Variants in KLHL26 observed in about 807,000 individuals in gnomAD.
KLHL26 encodes kelch like family member 26.
In KLHL26, 4 loss-of-function variants were observed where a neutral mutation model predicts 7.1. The ratio of observed to expected loss-of-function variants is 0.56; its 90% confidence interval spans 0.28 to 1.28. The LOEUF (loss-of-function observed/expected upper bound fraction) is 1.28, where lower values mean the gene tolerates loss of function less well. Ranked by LOEUF, KLHL26 falls within the 50% of genes most tolerant of loss-of-function variation. KLHL26 has a pLI of 0.11. For missense variants in KLHL26, 896 were observed against 924.6 expected, an observed-to-expected ratio of 0.97 and a Z score of 0.40; for synonymous variants, 465 against 414.1, an observed-to-expected ratio of 1.12 and a Z score of -1.49.
At position 18,649,014 on chromosome 19, in the gene KLHL26, C is replaced by T. The variant is rs1399627225; in HGVS notation, c.83+11877C>T. On this transcript the variant is annotated intron_variant, in intron 1 of 2. Transcript: ENST00000300976. The surrounding 1 kb of genome is among the most constrained non-coding windows in gnomAD (Gnocchi z 4.0). ...ACAAAATCTACTTCTTGATGTGACC[C>T]GCTGGGCCCCTGAGCTTCCGCAGCT... 2.6e-5 allele frequency among the ~76,000 whole-genome samples: 4 copies of T among 152,196 alleles called. No individual in the cohort carries two copies. In the East Asian group the frequency reaches 7.7e-4, roughly 29 times the overall value.
intron 1 of KLHL26, chr19:18,659,582 C>T (rs567131958): frequency 3.3e-4 from 51 of 152,258 alleles, no homozygotes; most frequent in African/African-American, 1.0e-3. Flanking sequence ...CTGGGCTCCG[C>T]GTGGGGGTGG....
intron 1 of KLHL26, among the ~76,000 whole-genome samples, chr19:18,655,532 T>C (rs1179004254): frequency 6.6e-6 from 1 of 152,234 alleles, no homozygotes; most frequent in Non-Finnish European, 1.5e-5. Flanking sequence ...ATCTGTAAGA[T>C]GGGATGGTAG....
intron 1 of KLHL26, among the ~76,000 whole-genome samples, chr19:18,643,943 C>G (rs568132634): frequency 6.6e-6 from 1 of 152,182 alleles, no homozygotes; most frequent in Non-Finnish European, 1.5e-5. Flanking sequence ...ACACAAAATT[C>G]ACCCACTTTA....
chr19:18,659,972 C>T (rs935213166), intron 1 of KLHL26, among the ~76,000 whole-genome samples: 2 of 152,192 alleles, frequency 1.3e-5, no homozygotes, highest in Admixed American at 1.3e-4. Flanking sequence ...GGCGGGGGTT[C>T]GAGGGCCCCA....
intron 1 of KLHL26, among the ~76,000 whole-genome samples, chr19:18,645,893 T>C (rs1976793633): frequency 2.0e-5 from 3 of 151,700 alleles, no homozygotes; most frequent in Admixed American, 1.3e-4. Flanking sequence ...GCATGGAAAG[T>C]TGTGGCCGAG....
chr19:18,668,612 G>T lies in KLHL26; in HGVS notation c.1215G>T (p.Gln405His). 6.3e-7 allele frequency: 1 copy of T among 1,586,974 alleles called. No individual in the cohort carries two copies. Among genetic ancestry groups the T allele is most frequent in the Non-Finnish European group, 8.5e-7 (1 of 1,172,772 alleles). ...AGGCCATGCAGGAAAGCCGCATCCAGTTCCAGCTGAACGTGCTGTGCGGCA... is the reference window on the plus strand; with the variant it reads ...AGGCCATGCAGGAAAGCCGCATCCATTTCCAGCTGAACGTGCTGTGCGGCA... ...RLQAMQESRI[Q>H]FQLNVLCGMV... Residue 405 changes from glutamine to histidine, a missense_variant, in exon 3 of 3, where the codon CAG becomes CAT. Transcript: ENST00000300976.
At chr19:18,642,191 G>A (rs990649271) in intron 1 of KLHL26, among the ~76,000 whole-genome samples, 8 of 152,088 alleles carry the variant, frequency 5.3e-5, no homozygotes, top group Non-Finnish European at 1.2e-4. Flanking sequence ...GGACAGCCAG[G>A]CCTGGAGCAC....
At chr19:18,637,363 C>A (rs1258639123) in intron 1 of KLHL26, among the ~76,000 whole-genome samples, 1 of 151,956 alleles carries the variant, frequency 6.6e-6, no homozygotes, top group African/African-American at 2.4e-5. Context: ...CGTCTGCAGG[C>A]GGCCCTAGGG....
At chr19:18,640,790 C>T (rs747337668) in intron 1 of KLHL26, among the ~76,000 whole-genome samples, 47 of 151,852 alleles carry the variant, frequency 3.1e-4, no homozygotes, top group Non-Finnish European at 6.2e-4. Context: ...CCGCCTGCTT[C>T]GGCCTCCCAA....
chr19:18,640,551 A>ATT (rs56247740), intron 1 of KLHL26, among the ~76,000 whole-genome samples: 1,505 of 96,478 alleles, frequency 0.016, 31 homozygotes, highest in African/African-American at 0.046. Context: ...CTATGTTTTA[A>ATT]TTTTTTTTTT....
intron 1 of KLHL26, among the ~76,000 whole-genome samples, chr19:18,647,588 G>A (rs1976827238): frequency 6.6e-6 from 1 of 151,614 alleles, no homozygotes; most frequent in Non-Finnish European, 1.5e-5. Flanking sequence ...TGAGAGGGAG[G>A]AGGAGGAAGA....
chr19:18,641,634 T>C lies in KLHL26; in HGVS notation c.83+4497T>C, dbSNP rs1251576123. On this transcript the variant is annotated intron_variant, in intron 1 of 2. Transcript: ENST00000300976. ...ACACCCGGCTCTTTTTCTTTTTTCT[T>C]TTTTTTTTTTTTGAGATGGAGGCTT... Among the ~76,000 whole-genome samples the C allele has an allele frequency of 2.8e-4, 4 of 14,438 alleles. No homozygotes were observed. In the East Asian group the frequency reaches 7.0e-3, roughly 25 times the overall value. 9.5% of individuals were successfully genotyped at this position (14,438 alleles called of 152,430 possible). A position where few individuals can be genotyped will look rare whatever the true frequency, so the allele number is the denominator to read the frequency against.
In KLHL26 at chr19:18,669,122, G is replaced by T; in HGVS notation, c.1725G>T (p.Thr575=). 3 of 1,612,912 alleles carry T rather than the reference G, an allele frequency of 1.9e-6. No individual in the cohort carries two copies. The highest frequency in any genetic ancestry group is 2.5e-6 in the Non-Finnish European group (3 of 1,179,974). The change falls in exon 3 of 3, where the codon ACG becomes ACT. Residue 575 remains threonine, a synonymous_variant. Transcript: ENST00000300976. ...GGYNWRLNNV[T]GIVQVYNTDT... ...ACAACTGGCGTCTCAACAACGTCAC[G>T]GGCATCGTACAGGTGTACAACACGG...
Position 18,669,690 on chromosome 19 carries a change from C to T in KLHL26, c.*445C>T, listed in dbSNP as rs1430215123. 8.2e-6 allele frequency: 2 copies of T among 244,372 alleles called. No homozygotes were observed. The highest frequency in any genetic ancestry group is 1.1e-4 in the Admixed American group (2 of 18,844). 15.1% of individuals were successfully genotyped at this position (244,372 alleles called of 1,614,324 possible). ...TATGACTCACCCTCCTTCCAAGTCT[C>T]CTGCGCGCGTGTTTTTAAAATAAAC... On this transcript the variant is annotated 3_prime_UTR_variant, in exon 3 of 3. Transcript: ENST00000300976.
At chr19:18,651,030 C>T (rs2052249604) in intron 1 of KLHL26, among the ~76,000 whole-genome samples, 1 of 152,168 alleles carries the variant, frequency 6.6e-6, no homozygotes, top group South Asian at 2.1e-4. Flanking sequence ...TCCGAGGCCC[C>T]TCTTGGTGGG....
At chr19:18,645,394 C>T (rs917373784) in intron 1 of KLHL26, among the ~76,000 whole-genome samples, 15 of 152,174 alleles carry the variant, frequency 9.9e-5, no homozygotes, top group East Asian at 3.9e-4. Flanking sequence ...TTGGCATCCA[C>T]GCTTTTTGGC....
At chr19:18,643,572 G>A (rs1193249584) in intron 1 of KLHL26, among the ~76,000 whole-genome samples, 1 of 151,788 alleles carries the variant, frequency 6.6e-6, no homozygotes, top group Non-Finnish European at 1.5e-5. Context: ...TCCGCCTCCT[G>A]GGTTCAAGCG....
At chr19:18,657,132 G>C (rs528311153) in intron 1 of KLHL26, among the ~76,000 whole-genome samples, 47 of 148,594 alleles carry the variant, frequency 3.2e-4, no homozygotes, top group African/African-American at 1.1e-3. Flanking sequence ...TTTGTCTCTG[G>C]GTCTCTGTCT....
chr19:18,668,482 T>C lies in KLHL26; in HGVS notation c.1085T>C (p.Phe362Ser), dbSNP rs372690866. Residue 362 changes from phenylalanine to serine, a missense_variant, in exon 3 of 3, where the codon TTT becomes TCT. By Grantham distance (155) the Phe-to-Ser change is radical. Coordinates refer to ENST00000300976, the MANE Select transcript of KLHL26 (RefSeq NM_018316.3). ...ACGTGCGTGGCCGTGCTGGACAATT[T>C]TGTGTACGTGGCCGGGGGGCAGCAC... ...SHTCVAVLDN[F>S]VYVAGGQHLQ... The C allele has an allele frequency of 6.2e-7, 1 of 1,608,862 alleles. No individual in the cohort carries two copies. The highest frequency in any genetic ancestry group is 1.3e-5 in the African/African-American group (1 of 75,022).
Sources: allele counts gnomAD v4.1 joint callset (sites outside exome capture counted in the v4.1 genomes callset), GRCh38; gene constraint gnomAD v4.1.1; non-coding constraint Gnocchi (gnomAD v3.1); transcripts MANE v1.5; gene names NCBI Gene and HGNC (gene_info 2026-07-23, HGNC 2026-07-21).